The following BFAR variants were observed in gnomAD, a reference collection of about 807,000 sequenced individuals.
BFAR encodes the protein RING finger protein 47.
In BFAR, 52 loss-of-function variants were observed where a neutral mutation model predicts 54.4. That is an observed-to-expected ratio of 0.96 (90% CI 0.77 to 1.21). The LOEUF (loss-of-function observed/expected upper bound fraction) is 1.21, where lower values mean the gene tolerates loss of function less well. Among genes scored for constraint, BFAR ranks in the 50% most tolerant of loss-of-function variants. The pLI is 0.00. For synonymous variants in BFAR, 215 were observed against 204.3 expected (o/e 1.05, Z -0.45); for missense variants, 571 against 534.0 (o/e 1.07, Z -0.68).
chr16:14,657,767 C>G (rs1960170407), intron 5 of BFAR, among the ~76,000 whole-genome samples: 1 of 151,878 alleles, frequency 6.6e-6, no homozygotes, highest in East Asian at 2.0e-4. Context: ...GTCTTGAACT[C>G]CTGACCTCAG....
chr16:14,650,101 C>G, intron 4 of BFAR, 128 bp downstream of exon 4: 1 of 904,514 alleles, frequency 1.1e-6, no homozygotes, highest in Non-Finnish European at 1.6e-6. Context: ...GCGGATCGAT[C>G]ATTTGAGGTC....
intron 5 of BFAR, among the ~76,000 whole-genome samples, chr16:14,655,923 C>T (rs1960116093): frequency 6.6e-6 from 1 of 151,958 alleles, no homozygotes; most frequent in South Asian, 2.1e-4. Flanking sequence ...AAGAGTGAGG[C>T]TCTGGGCTGG....
chr16:14,659,474 C>G (rs1258884820), intron 5 of BFAR, among the ~76,000 whole-genome samples: 1 of 151,768 alleles, frequency 6.6e-6, no homozygotes, highest in Non-Finnish European at 1.5e-5. Context: ...GAACTCCTGA[C>G]CTCAGGCAAT....
intron 2 of BFAR, among the ~76,000 whole-genome samples, chr16:14,645,898 T>C (rs564904507): frequency 1.3e-5 from 2 of 152,258 alleles, no homozygotes; most frequent in South Asian, 4.1e-4. Context: ...AGACAAAGTC[T>C]CACTCTGTCG....
At chr16:14,652,597 T>A (rs548293132) in intron 4 of BFAR, among the ~76,000 whole-genome samples, 1 of 152,184 alleles carries the variant, frequency 6.6e-6, no homozygotes, top group South Asian at 2.1e-4. Flanking sequence ...TATTTTTATT[T>A]TTAAAAAAAT....
rs535570865 is a variant in BFAR at position 14,668,180 on chromosome 16, C to G, written c.*353C>G. On this transcript the variant is annotated 3_prime_UTR_variant, in exon 8 of 8. Transcript: ENST00000261658. ...CATCAGAAGGGTGCCACATCAGTCC[C>G]CTCCCCAACCTCAGTGACTGACAGA... The G allele has an allele frequency of 2.0e-5, 5 of 248,762 alleles. No individual in the cohort carries two copies. Among genetic ancestry groups the G allele is most frequent in the Non-Finnish European group, 3.9e-5 (5 of 129,360 alleles). The allele number at this position is 248,762 out of a possible 1,614,324, so 15.4% of individuals were successfully genotyped here. A position where few individuals can be genotyped will look rare whatever the true frequency, so the allele number is the denominator to read the frequency against.
intron 5 of BFAR, 107 bp from the exon 6 acceptor site, chr16:14,661,785 G>A: frequency 5.0e-6 from 6 of 1,201,316 alleles, no homozygotes; most frequent in Non-Finnish European, 7.2e-6. Flanking sequence ...TGCATTGTGT[G>A]TACCATGCAA....
At chr16:14,656,238 C>T (rs1050485227) in intron 5 of BFAR, among the ~76,000 whole-genome samples, 8 of 151,756 alleles carry the variant, frequency 5.3e-5, no homozygotes, top group South Asian at 2.1e-4. Flanking sequence ...AAAAGAGTAA[C>T]GCTGTGGGCT....
At chr16:14,659,010 C>A (rs770786318) in intron 5 of BFAR, among the ~76,000 whole-genome samples, 1 of 151,588 alleles carries the variant, frequency 6.6e-6, no homozygotes, top group Admixed American at 6.6e-5. Context: ...CAGGTTCGAG[C>A]GATTCCCCTG....
At chr16:14,648,695 A>T in intron 3 of BFAR, 103 bp downstream of exon 3, 1 of 801,824 alleles carries the variant, frequency 1.2e-6, no homozygotes, top group Non-Finnish European at 2.0e-6. Flanking sequence ...ATAATTGATG[A>T]TGTGACTCCA....
intron 1 of BFAR, among the ~76,000 whole-genome samples, chr16:14,642,465 TA>T (rs1024638611): frequency 5.9e-5 from 9 of 152,310 alleles, no homozygotes; most frequent in African/African-American, 1.9e-4. Flanking sequence ...AAAAAATTTT[TA>T]AAAATGTCTC....
At chr16:14,647,459 GA>G (rs1959834341) in intron 2 of BFAR, among the ~76,000 whole-genome samples, 1 of 152,008 alleles carries the variant, frequency 6.6e-6, no homozygotes, top group Admixed American at 6.6e-5. Flanking sequence ...ACCTTGGGAG[GA>G]CCGAGGCAGG....
At chr16:14,665,145 T>C in intron 7 of BFAR, 74 bp downstream of exon 7, 1 of 1,374,780 alleles carries the variant, frequency 7.3e-7, no homozygotes, top group Non-Finnish European at 1.0e-6. Flanking sequence ...TCCTCTTTTA[T>C]TTCTCACACT....
rs1960299098 is a variant in BFAR at position 14,661,903 on chromosome 16, A to G, written c.795A>G (p.Pro265=). 6.2e-7 allele frequency: 1 copy of G among 1,614,106 alleles called. No homozygotes were observed. ...QNLWEYKAVN[P]GRSLFLLYAL... is the part of the protein sequence containing the mutation. ...CTTCTCCTCTGCAGGCTGTGAACCCAGGCAGGTCCCTGTTCCTGCTATACG... is the reference window on the plus strand; with the variant it reads ...CTTCTCCTCTGCAGGCTGTGAACCCGGGCAGGTCCCTGTTCCTGCTATACG... The change falls in exon 6 of 8, where the codon CCA becomes CCG. Residue 265 remains proline (P), a synonymous_variant. Coordinates refer to ENST00000261658, the MANE Select transcript of BFAR (RefSeq NM_016561.3).
chr16:14,650,114 G>T (rs1329755330), intron 4 of BFAR, 141 bp downstream of exon 4: 1 of 796,320 alleles, frequency 1.3e-6, no homozygotes, highest in African/African-American at 1.8e-5. Context: ...TTGAGGTCAG[G>T]AGTTCCAGAC....
chr16:14,653,521 T>C (rs1960034349), intron 4 of BFAR, among the ~76,000 whole-genome samples: 1 of 152,042 alleles, frequency 6.6e-6, no homozygotes, highest in South Asian at 2.1e-4. Flanking sequence ...AGACGAGGTT[T>C]CACCACGTTG....
Position 14,662,072 on chromosome 16 carries a change from C to T in BFAR, c.957+7C>T, listed in dbSNP as rs150612522. The T allele has an allele frequency of 2.8e-3, 4,542 of 1,613,892 alleles. 12 individuals carry two copies. Among genetic ancestry groups the T allele is most frequent in the Non-Finnish European group, 3.5e-3 (4,147 of 1,179,790 alleles). Reference sequence around the variant, plus strand: ...CATCGTCACCAAGCTTCTGGTAGGTCTGCACAGTGCCTGGAATAAAGTTAT... The same window carrying T: ...CATCGTCACCAAGCTTCTGGTAGGTTTGCACAGTGCCTGGAATAAAGTTAT... On this transcript the variant is annotated splice_region_variant and intron_variant, in intron 6 of 7. Coordinates refer to ENST00000261658, the MANE Select transcript of BFAR (RefSeq NM_016561.3).
intron 5 of BFAR, 150 bp from the exon 6 acceptor site, chr16:14,661,742 T>C (rs1960293878): frequency 2.4e-6 from 2 of 827,878 alleles, no homozygotes; most frequent in Admixed American, 2.4e-5. Flanking sequence ...CAAATGTGGA[T>C]CACTTGGCCT....
chr16:14,644,132 C>T (rs1959711061), intron 1 of BFAR, 142 bp from the exon 2 acceptor site: 1 of 573,300 alleles, frequency 1.7e-6, no homozygotes, highest in Non-Finnish European at 3.0e-6. Context: ...CACTGCACTC[C>T]ATCCTGGGCC....
Sources: allele counts gnomAD v4.1 joint callset (sites outside exome capture counted in the v4.1 genomes callset), GRCh38; gene constraint gnomAD v4.1.1; transcripts MANE v1.5; gene names NCBI Gene and HGNC (gene_info 2026-07-23, HGNC 2026-07-21).